The following AP2B1 variants were observed in gnomAD, a reference collection of about 807,000 sequenced individuals.
AP2B1 encodes the protein adaptor related protein complex 2 subunit beta 1, also known as AP-2 complex subunit beta.
Under a neutral mutation model 102.0 loss-of-function variants are expected in AP2B1, and 23 were observed. The ratio of observed to expected loss-of-function variants is 0.23; its 90% CI spans 0.16 to 0.32. The LOEUF (loss-of-function observed/expected upper bound fraction) is 0.32. AP2B1 is among the 10% of genes least tolerant of loss of function. The probability of loss-of-function intolerance (pLI) is 1.00; values close to 1 mark genes in which losing one functional copy is unlikely to be tolerated. For synonymous variants in AP2B1, 381 were observed against 421.2 expected (o/e 0.90, Z 1.17); for missense variants, 541 against 1,157.4 (o/e 0.47, Z 7.73).
At chr17:35,610,822 G>T (rs1380793493) in intron 5 of AP2B1, among the ~76,000 whole-genome samples, 1 of 151,694 alleles carries the variant, frequency 6.6e-6, no homozygotes, top group African/African-American at 2.4e-5. Flanking sequence ...CAGGAGAATG[G>T]TGTGAACCCA....
chr17:35,657,159 A>G (rs1323424309), intron 13 of AP2B1, among the ~76,000 whole-genome samples: 4 of 152,134 alleles, frequency 2.6e-5, no homozygotes, highest in South Asian at 4.1e-4. Flanking sequence ...TATCCTATCA[A>G]TTATGCAGAC....
chr17:35,639,316 A>G (rs554216369), intron 10 of AP2B1, among the ~76,000 whole-genome samples: 1 of 152,298 alleles, frequency 6.6e-6, no homozygotes, highest in South Asian at 2.1e-4. Flanking sequence ...CTGGGTGACA[A>G]GAGTGAGACC....
chr17:35,641,209 TG>T (rs1434660288), intron 11 of AP2B1, among the ~76,000 whole-genome samples: 1 of 152,174 alleles, frequency 6.6e-6, no homozygotes, highest in Non-Finnish European at 1.5e-5. Context: ...TTGTAGCTTT[TG>T]GTAGAAGTAA....
At chr17:35,692,489 A>C (rs1415339471) in intron 18 of AP2B1, among the ~76,000 whole-genome samples, 1 of 152,166 alleles carries the variant, frequency 6.6e-6, no homozygotes, top group Non-Finnish European at 1.5e-5. Flanking sequence ...TCTGGACGTA[A>C]AATAGCTACC....
intron 11 of AP2B1, 62 bp from the exon 12 acceptor site, chr17:35,641,815 A>T: frequency 7.8e-7 from 1 of 1,276,498 alleles, no homozygotes; most frequent in South Asian, 1.3e-5. Context: ...CACTTTGGAG[A>T]TGATGGCAGG....
At chr17:35,658,316 A>G (rs924862240) in intron 14 of AP2B1, among the ~76,000 whole-genome samples, 13 of 131,854 alleles carry the variant, frequency 9.9e-5, no homozygotes, top group African/African-American at 3.2e-4. Context: ...TACCTTTATT[A>G]CAGTTGGGAA....
intron 9 of AP2B1, among the ~76,000 whole-genome samples, chr17:35,634,298 A>G (rs1567861618): frequency 6.6e-6 from 1 of 152,222 alleles, no homozygotes; most frequent in Non-Finnish European, 1.5e-5. Context: ...AGTTTTATCT[A>G]TTCCTCCATC....
At chr17:35,690,578 G>A (rs1182778978) in intron 18 of AP2B1, among the ~76,000 whole-genome samples, 7 of 152,108 alleles carry the variant, frequency 4.6e-5, no homozygotes, top group South Asian at 2.1e-4. Context: ...GTATAGAATC[G>A]GGGTTGGTAT....
intron 9 of AP2B1, 94 bp from the exon 10 acceptor site, chr17:35,636,247 A>C (rs557092404): frequency 3.4e-5 from 26 of 756,602 alleles, no homozygotes; most frequent in Admixed American, 2.0e-4. Context: ...AGTTTGGTTT[A>C]GTTGATGCAC....
intron 9 of AP2B1, among the ~76,000 whole-genome samples, chr17:35,632,407 T>A (rs2074488734): frequency 6.6e-6 from 1 of 152,220 alleles, no homozygotes; most frequent in South Asian, 2.1e-4. Context: ...AATGCTAGGA[T>A]TACAGGTGTA....
Position 35,720,545 on chromosome 17 carries a change from T to TA in AP2B1, c.2782-3080_2782-3079insA, listed in dbSNP as rs1568062926. 1.7e-3 allele frequency among the ~76,000 whole-genome samples: 90 copies of TA among 54,348 alleles called. 6 individuals carry two copies. Among genetic ancestry groups the TA allele is most frequent in the Middle Eastern group, 0.034 (2 of 58 alleles). The allele number at this position is 54,348 out of a possible 152,430, so 35.7% of individuals were successfully genotyped here. A position where few individuals can be genotyped will look rare whatever the true frequency, so the allele number is the denominator to read the frequency against. On this transcript the variant is annotated intron_variant, in intron 21 of 21. Coordinates refer to ENST00000610402, the MANE Select transcript of AP2B1 (RefSeq NM_001030006.2). The stretch of plus-strand genomic sequence containing the variant: ...TTTGTCCCATATATTTTTATTTTAT[T>TA]TATATATATATATATATATATATAT...
intron 12 of AP2B1, among the ~76,000 whole-genome samples, chr17:35,649,060 A>G (rs1162304116): frequency 1.3e-5 from 2 of 152,108 alleles, no homozygotes; most frequent in African/African-American, 4.8e-5. Context: ...AGATAATAGT[A>G]CCTTTCATAC....
chr17:35,677,112 C>G (rs985576464), intron 17 of AP2B1, among the ~76,000 whole-genome samples: 6 of 152,320 alleles, frequency 3.9e-5, no homozygotes, highest in Admixed American at 1.3e-4. Context: ...ACCTCAGCCT[C>G]CTGAGTAGCT....
At chr17:35,703,066 A>T (rs923340030) in intron 18 of AP2B1, among the ~76,000 whole-genome samples, 5 of 151,902 alleles carry the variant, frequency 3.3e-5, no homozygotes, top group Admixed American at 2.0e-4. Context: ...AGGTCAGGAG[A>T]TCGAGACCAT....
intron 18 of AP2B1, among the ~76,000 whole-genome samples, chr17:35,697,033 T>A (rs774009349): frequency 6.6e-5 from 10 of 152,342 alleles, no homozygotes; most frequent in Middle Eastern, 6.8e-3. Flanking sequence ...CAAGGCTATC[T>A]CTTCATCTTA....
At chr17:35,703,011 G>A (rs587769820) in intron 18 of AP2B1, among the ~76,000 whole-genome samples, 5 of 152,224 alleles carry the variant, frequency 3.3e-5, no homozygotes, top group South Asian at 2.1e-4. Context: ...GGTGGCTCAC[G>A]CCTGTAATCC....
chr17:35,596,570 C>T (rs567959667), intron 2 of AP2B1, among the ~76,000 whole-genome samples: 38 of 149,612 alleles, frequency 2.5e-4, no homozygotes, highest in Non-Finnish European at 4.6e-4. Flanking sequence ...TCCCAGTCCT[C>T]GGGCGCCGTC....
intron 17 of AP2B1, among the ~76,000 whole-genome samples, chr17:35,675,721 C>CTT (rs1250353158): frequency 6.6e-6 from 1 of 150,624 alleles, no homozygotes; most frequent in Non-Finnish European, 1.5e-5. Context: ...ACTGCAACCT[C>CTT]TTTTGTTCTG....
intron 13 of AP2B1, chr17:35,651,071 C>T: frequency 3.2e-6 from 1 of 308,730 alleles, no homozygotes; most frequent in African/African-American, 2.1e-5. Flanking sequence ...TGGTGAAGAC[C>T]TTCTAAATTG....
Sources: allele counts gnomAD v4.1 joint callset (sites outside exome capture counted in the v4.1 genomes callset), GRCh38; gene constraint gnomAD v4.1.1; transcripts MANE v1.5; gene names NCBI Gene and HGNC (gene_info 2026-07-23, HGNC 2026-07-21).